The following CAPSL variants were observed in gnomAD, a reference collection of about 807,000 sequenced individuals.
CAPSL encodes calcyphosine like.
Under a neutral mutation model 21.3 loss-of-function variants are expected in CAPSL, and 17 were observed. The ratio of observed to expected loss-of-function variants is 0.80; its 90% CI spans 0.55 to 1.20. The LOEUF (loss-of-function observed/expected upper bound fraction) is 1.20, where lower values mean the gene tolerates loss of function less well. Among genes scored for constraint, CAPSL ranks in the 50% most tolerant of loss-of-function variants. The probability of loss-of-function intolerance (pLI) is 0.00; values close to 1 mark genes in which losing one functional copy is unlikely to be tolerated. For missense variants in CAPSL, 289 were observed against 259.3 expected, an observed-to-expected ratio of 1.11 and a Z score of -0.79; for synonymous variants, 102 against 89.3, an observed-to-expected ratio of 1.14 and a Z score of -0.80.
intron 1 of CAPSL, among the ~76,000 whole-genome samples, chr5:35,926,739 T>C (rs1398430063): frequency 6.6e-6 from 1 of 152,190 alleles, no homozygotes; most frequent in African/African-American, 2.4e-5. Context: ...ATCTTATTGC[T>C]AAAGAGGCAA....
chr5:35,922,669 G>A (rs914366801), intron 1 of CAPSL, among the ~76,000 whole-genome samples: 4 of 152,176 alleles, frequency 2.6e-5, no homozygotes, highest in Non-Finnish European at 5.9e-5. Context: ...GCACACACAA[G>A]GAGCATGTTC....
At chr5:35,921,672 G>A (rs1488689025) in intron 1 of CAPSL, among the ~76,000 whole-genome samples, 2 of 152,136 alleles carry the variant, frequency 1.3e-5, no homozygotes, top group East Asian at 3.9e-4. Flanking sequence ...GTGAAGTGCT[G>A]TCTCCTGAGT....
intron 1 of CAPSL, among the ~76,000 whole-genome samples, chr5:35,926,609 C>T (rs532933830): frequency 6.6e-6 from 1 of 152,206 alleles, no homozygotes; most frequent in East Asian, 1.9e-4. Flanking sequence ...TGCTCTAGCC[C>T]TAGCCTGCAT....
rs192293168 is a variant in CAPSL, at chr5:35,912,098, G to A, written c.138-1555C>T. Among the ~76,000 whole-genome samples, 737 of 152,242 alleles carry A rather than the reference G, an allele frequency of 4.8e-3. 5 individuals carry two copies. The highest frequency in any genetic ancestry group is 0.016 in the African/African-American group (675 of 41,542). ...TGGCTCGGAGGATCCGACACCCACC[G>A]GGCCTCACTCATTGCCAGCACAGCA... On this transcript the variant is annotated intron_variant, in intron 2 of 4. Transcript: ENST00000651391.
chr5:35,923,745 G>A (rs1476751918), intron 1 of CAPSL, among the ~76,000 whole-genome samples: 1 of 152,152 alleles, frequency 6.6e-6, no homozygotes, highest in Non-Finnish European at 1.5e-5. Context: ...AAGGGGCTGG[G>A]GTGGGAGGGC....
At chr5:35,916,872 A>C (rs997429609) in intron 2 of CAPSL, among the ~76,000 whole-genome samples, 12 of 152,210 alleles carry the variant, frequency 7.9e-5, no homozygotes, top group African/African-American at 1.7e-4. Flanking sequence ...AATGGCATCT[A>C]ATTAAACTAA....
At chr5:35,910,578 G>T in intron 2 of CAPSL, 35 bp from the exon 3 acceptor site, 3 of 1,472,550 alleles carry the variant, frequency 2.0e-6, no homozygotes, top group Non-Finnish European at 2.8e-6. Context: ...CAGAAGAAAT[G>T]TACAAATAAC....
rs371223149 is a variant in CAPSL, at chr5:35,916,884, G to C, written c.137+4100C>G. Reference sequence around the variant, plus strand: ...ACAAATGGCATCTAATTAAACTAAAGAGCTTCTGCACAGCCAAAGTAACTA... The same window carrying C: ...ACAAATGGCATCTAATTAAACTAAACAGCTTCTGCACAGCCAAAGTAACTA... On this transcript the variant is annotated intron_variant, in intron 2 of 4. Coordinates refer to ENST00000651391, the MANE Select transcript of CAPSL (RefSeq NM_001042625.2). Among the ~76,000 whole-genome samples, 22 of 152,304 alleles carry C rather than the reference G, an allele frequency of 1.4e-4. No individual in the cohort carries two copies. In the East Asian group the frequency reaches 1.7e-3, roughly 12 times the overall value.
intron 1 of CAPSL, among the ~76,000 whole-genome samples, chr5:35,922,970 A>G (rs1378197981): frequency 2.0e-5 from 3 of 151,830 alleles, no homozygotes; most frequent in Non-Finnish European, 4.4e-5. Flanking sequence ...CATGCGCCCC[A>G]TCCCCACCCC....
intron 1 of CAPSL, among the ~76,000 whole-genome samples, chr5:35,934,080 C>T (rs1336271360): frequency 6.6e-6 from 1 of 152,190 alleles, no homozygotes; most frequent in Non-Finnish European, 1.5e-5. Flanking sequence ...TAGAAAACTG[C>T]TCTTGTGAAC....
chr5:35,913,375 T>G (rs1026642229), intron 2 of CAPSL, among the ~76,000 whole-genome samples: 1 of 152,074 alleles, frequency 6.6e-6, no homozygotes, highest in Non-Finnish European at 1.5e-5. Flanking sequence ...AAGATAGTCC[T>G]CGAGAAGAGC....
At chr5:35,938,394 G>C (rs1468285567) in intron 1 of CAPSL, 147 bp downstream of exon 1, 3 of 151,876 alleles carry the variant, frequency 2.0e-5, no homozygotes, top group Non-Finnish European at 4.4e-5. Context: ...TGACAGCCTA[G>C]TGATGGCTTC....
rs762178778 is a variant in CAPSL at position 35,909,922 on chromosome 5, G to T, written c.469C>A (p.Gln157Lys). The T allele has an allele frequency of 1.9e-6, 3 of 1,613,670 alleles. No individual in the cohort carries two copies. The highest frequency in any genetic ancestry group is 1.7e-4 in the Middle Eastern group (1 of 6,058). Residue 157 changes from glutamine (Q) to lysine (K), a missense_variant, in exon 4 of 5, where the codon CAA becomes AAA. By Grantham distance (53) the Gln-to-Lys change is moderately conservative. Transcript: ENST00000651391. Reference sequence around the variant, plus strand: ...TTATCCAGAAATTTCCTAAATACTTGTTCCTCACTCCATTCCCCATTCTGG... The same window carrying T: ...TTATCCAGAAATTTCCTAAATACTTTTTCCTCACTCCATTCCCCATTCTGG... ...KYQNGEWSEE[Q>K]VFRKFLDNFD... is the part of the protein sequence containing the mutation.
At chr5:35,910,906 A>G (rs1194402923) in intron 2 of CAPSL, among the ~76,000 whole-genome samples, 4 of 152,256 alleles carry the variant, frequency 2.6e-5, no homozygotes, top group African/African-American at 2.4e-5. Flanking sequence ...GCTAAAACCC[A>G]TAGCACTTTA....
Position 35,922,383 on chromosome 5 carries a change from A to T in CAPSL, c.1-1263T>A, listed in dbSNP as rs192009319. On this transcript the variant is annotated intron_variant, in intron 1 of 4. Coordinates refer to ENST00000651391, the MANE Select transcript of CAPSL (RefSeq NM_001042625.2). ...ACGTGGCCACTTTCTTGCAGCCTCC[A>T]CCGAGCCAAGGTACAGGATCCCTCT... is the stretch of plus-strand genomic sequence containing the variant. Among the ~76,000 whole-genome samples, 4 of 152,244 alleles carry T rather than the reference A, an allele frequency of 2.6e-5. No homozygotes were observed. In the East Asian group the frequency reaches 7.7e-4, roughly 29 times the overall value.
At chr5:35,920,669 G>T (rs1738513029) in intron 2 of CAPSL, among the ~76,000 whole-genome samples, 1 of 152,146 alleles carries the variant, frequency 6.6e-6, no homozygotes, top group Admixed American at 6.5e-5. Flanking sequence ...TATCACAGCT[G>T]CAGAGAGAGT....
intron 1 of CAPSL, among the ~76,000 whole-genome samples, chr5:35,921,554 G>C (rs1738539500): frequency 1.3e-5 from 2 of 152,152 alleles, no homozygotes; most frequent in South Asian, 4.1e-4. Flanking sequence ...TCTTGAATGA[G>C]ATTTTCAGCA....
At chr5:35,911,775 C>T (rs1004686089) in intron 2 of CAPSL, among the ~76,000 whole-genome samples, 1 of 152,152 alleles carries the variant, frequency 6.6e-6, no homozygotes, top group East Asian at 1.9e-4. Context: ...GGAACAGCTC[C>T]AGTCTACAGC....
chr5:35,925,649 G>T (rs752069125), intron 1 of CAPSL, among the ~76,000 whole-genome samples: 1 of 149,708 alleles, frequency 6.7e-6, no homozygotes, highest in East Asian at 1.9e-4. Flanking sequence ...AGCAACAGGA[G>T]ACCGCAAAGT....
Sources: allele counts gnomAD v4.1 joint callset (sites outside exome capture counted in the v4.1 genomes callset), GRCh38; gene constraint gnomAD v4.1.1; transcripts MANE v1.5; gene names NCBI Gene and HGNC (gene_info 2026-07-23, HGNC 2026-07-21).